BICC1: variants seen among roughly 807,000 people sequenced by gnomAD.
BICC1 encodes protein bicaudal C homolog 1.
A neutral mutation model predicts 111.0 loss-of-function variants in BICC1; 43 were observed. The ratio of observed to expected loss-of-function variants is 0.39; its 90% CI spans 0.30 to 0.50. The LOEUF is 0.50. Among genes scored for constraint, BICC1 ranks in the 20% least tolerant of loss-of-function variants. BICC1 has a pLI of 0.88. For missense variants in BICC1, 1,091 were observed against 1,203.2 expected (o/e 0.91, Z 1.38); for synonymous variants, 467 against 434.4 (o/e 1.07, Z -0.93).
At chr10:58,560,084 A>G (rs1433918911) in intron 1 of BICC1, among the ~76,000 whole-genome samples, 1 of 151,924 alleles carries the variant, frequency 6.6e-6, no homozygotes, top group Non-Finnish European at 1.5e-5. Flanking sequence ...GCCTCATAGA[A>G]TGAGTTAGGA....
intron 1 of BICC1, among the ~76,000 whole-genome samples, chr10:58,612,723 C>T (rs533682360): frequency 5.9e-5 from 9 of 152,156 alleles, no homozygotes; most frequent in African/African-American, 1.9e-4. Context: ...GGGGAAGAAA[C>T]CCCATTGTTT....
At chr10:58,800,102 T>C (rs901925940) in intron 12 of BICC1, 92 bp from the exon 13 acceptor site, 1 of 1,021,356 alleles carries the variant, frequency 9.8e-7, no homozygotes, top group African/African-American at 1.6e-5. Context: ...GGTTTTCTTT[T>C]TCGTGGCTGT....
At chr10:58,606,864 GTTTTC>G (rs932668128) in intron 1 of BICC1, among the ~76,000 whole-genome samples, 3 of 151,926 alleles carry the variant, frequency 2.0e-5, no homozygotes, top group South Asian at 2.1e-4. Flanking sequence ...TTTATAGTCT[GTTTTC>G]TTTTTCTGGA....
chr10:58,588,609 C>T (rs1844504493), intron 1 of BICC1, among the ~76,000 whole-genome samples: 1 of 152,108 alleles, frequency 6.6e-6, no homozygotes, highest in Non-Finnish European at 1.5e-5. Flanking sequence ...ATTCTGGAGC[C>T]ATTTAAACAG....
At chr10:58,617,075 G>A (rs182129683) in intron 1 of BICC1, among the ~76,000 whole-genome samples, 125 of 152,360 alleles carry the variant, frequency 8.2e-4, no homozygotes, top group Non-Finnish European at 1.5e-3. Context: ...CTTTAGCAGC[G>A]CATGGAGCGC....
intron 1 of BICC1, among the ~76,000 whole-genome samples, chr10:58,566,509 G>A (rs1843769802): frequency 6.6e-6 from 1 of 151,806 alleles, no homozygotes; most frequent in South Asian, 2.1e-4. Context: ...TTTTCCTCTG[G>A]GTACATACCC....
intron 2 of BICC1, among the ~76,000 whole-genome samples, chr10:58,690,589 T>C (rs1468547782): frequency 6.6e-6 from 1 of 152,210 alleles, no homozygotes. Context: ...CTTTCAATAT[T>C]TACTCTTTGT....
intron 2 of BICC1, among the ~76,000 whole-genome samples, chr10:58,694,874 T>G (rs934561847): frequency 6.6e-6 from 1 of 152,110 alleles, no homozygotes; most frequent in Non-Finnish European, 1.5e-5. Flanking sequence ...GAGGTGGAGC[T>G]TTCAGAGTGA....
chr10:58,727,083 A>C (rs2132542649), intron 3 of BICC1, among the ~76,000 whole-genome samples: 1 of 152,290 alleles, frequency 6.6e-6, no homozygotes, highest in Middle Eastern at 3.4e-3. Context: ...TTGTCTCACT[A>C]ATGTTAACAT....
At chr10:58,752,319 T>G (rs995791762) in intron 3 of BICC1, among the ~76,000 whole-genome samples, 5 of 152,144 alleles carry the variant, frequency 3.3e-5, no homozygotes, top group African/African-American at 1.2e-4. Context: ...AGTTCTCTGA[T>G]ATTAGGCATG....
intron 1 of BICC1, among the ~76,000 whole-genome samples, chr10:58,586,777 C>T (rs1479217484): frequency 6.6e-6 from 1 of 152,118 alleles, no homozygotes; most frequent in African/African-American, 2.4e-5. Flanking sequence ...CAGTTACATT[C>T]CCATAAACAT....
At chr10:58,606,697 G>T (rs1254220006) in intron 1 of BICC1, among the ~76,000 whole-genome samples, 3 of 151,960 alleles carry the variant, frequency 2.0e-5, no homozygotes. Context: ...TCTCTGGAAG[G>T]TTTTAAGATA....
At position 58,789,770 on chromosome 10, in the gene BICC1, A is replaced by T. The variant is rs761830806; in HGVS notation, c.884A>T (p.His295Leu). ...VSTQLDIAAQ[H>L]HLFMMGRNGS... The stretch of plus-strand genomic sequence containing the variant: ...ACACAACTAGATATTGCAGCTCAAC[A>T]TCATCTCTTTATGATGGGTCGAAAT... The change falls in exon 8 of 21, where the codon CAT becomes CTT. Residue 295 changes from histidine (H) to leucine (L), a missense_variant. Physicochemically the swap from His to Leu is moderately conservative, Grantham distance 99. Coordinates refer to ENST00000373886, the MANE Select transcript of BICC1 (RefSeq NM_001080512.3). 1 of 1,614,048 alleles carries T rather than the reference A, an allele frequency of 6.2e-7. No homozygotes were observed. Among genetic ancestry groups the T allele is most frequent in the African/African-American group, 1.3e-5 (1 of 74,928 alleles).
intron 3 of BICC1, among the ~76,000 whole-genome samples, chr10:58,715,031 G>A (rs2132499000): frequency 1.3e-5 from 2 of 151,202 alleles, no homozygotes; most frequent in South Asian, 4.2e-4. Context: ...TCTAACCACT[G>A]CACTGCAGCC....
intron 3 of BICC1, among the ~76,000 whole-genome samples, chr10:58,763,707 A>G (rs1248327444): frequency 1.3e-5 from 2 of 151,992 alleles, no homozygotes; most frequent in Non-Finnish European, 2.9e-5. Context: ...CCACCCAGAA[A>G]AGAGAGAAGA....
intron 2 of BICC1, among the ~76,000 whole-genome samples, chr10:58,683,445 G>A (rs529944282): frequency 1.5e-3 from 232 of 152,210 alleles, no homozygotes; most frequent in African/African-American, 5.4e-3. Flanking sequence ...GATGGGGATG[G>A]CATTGAATCT....
chr10:58,674,836 A>G (rs1454247261), intron 2 of BICC1, among the ~76,000 whole-genome samples: 1 of 152,140 alleles, frequency 6.6e-6, no homozygotes, highest in East Asian at 1.9e-4. Context: ...GGCTAGTTAT[A>G]AGTAGGGAGC....
At chr10:58,569,644 C>T (rs896022950) in intron 1 of BICC1, among the ~76,000 whole-genome samples, 24 of 152,082 alleles carry the variant, frequency 1.6e-4, no homozygotes, top group African/African-American at 5.8e-4. Context: ...ACGTGGTGTT[C>T]GGTTTTCTGT....
chr10:58,723,931 A>G (rs1400583631), intron 3 of BICC1, among the ~76,000 whole-genome samples: 1 of 152,228 alleles, frequency 6.6e-6, no homozygotes, highest in Non-Finnish European at 1.5e-5. Context: ...ATTAAATTAG[A>G]TTCTTTAAAC....
Sources: allele counts gnomAD v4.1 joint callset (sites outside exome capture counted in the v4.1 genomes callset), GRCh38; gene constraint gnomAD v4.1.1; transcripts MANE v1.5; gene names NCBI Gene and HGNC (gene_info 2026-07-23, HGNC 2026-07-21).